The following POSTN variants were observed in gnomAD, a reference collection of about 807,000 sequenced individuals.
POSTN encodes periostin, also known as osteoblast specific factor 2 (fasciclin I-like).
POSTN carries 71 observed loss-of-function variants against 104.5 expected under a neutral mutation model. The ratio of observed to expected loss-of-function variants is 0.68; its 90% CI spans 0.56 to 0.83. The LOEUF (loss-of-function observed/expected upper bound fraction) is 0.83. Ranked by LOEUF, POSTN falls within the 40% of genes least tolerant of loss-of-function variation. The probability of loss-of-function intolerance (pLI) is 0.00; values close to 1 mark genes in which losing one functional copy is unlikely to be tolerated. For synonymous variants in POSTN, 355 were observed against 340.7 expected (o/e 1.04, Z -0.46); for missense variants, 949 against 1,006.8 (o/e 0.94, Z 0.78).
chr13:37,593,550 T>C (rs1951003760), intron 2 of POSTN, among the ~76,000 whole-genome samples: 1 of 151,376 alleles, frequency 6.6e-6, no homozygotes, highest in Non-Finnish European at 1.5e-5. Flanking sequence ...GTCAAACAGA[T>C]TATGACAATT....
chr13:37,579,873 C>T lies in POSTN; in HGVS notation c.1648G>A (p.Glu550Lys), dbSNP rs1470067255. ...AFKGMTSEEK[E>K]ILIRDKNALQ... ...CACTTCCACTTACGTATCAGAATTT[C>T]TTTTTCTTCACTAGTCATTCCCTTA... Residue 550 changes from glutamate (E) to lysine (K), a missense_variant, in exon 12 of 23, where the codon GAA becomes AAA. By Grantham distance (56) the Glu-to-Lys change is moderately conservative. Transcript: ENST00000379747. 6.2e-7 allele frequency: 1 copy of T among 1,608,650 alleles called. No individual in the cohort carries two copies. The highest frequency in any genetic ancestry group is 2.2e-5 in the East Asian group (1 of 44,782).
At chr13:37,576,712 T>C (rs762754851) in intron 16 of POSTN, among the ~76,000 whole-genome samples, 12 of 152,166 alleles carry the variant, frequency 7.9e-5, no homozygotes, top group Non-Finnish European at 1.8e-4. Context: ...ACATATTTTT[T>C]ACAAGATTGT....
At position 37,579,070 on chromosome 13, in the gene POSTN, T is replaced by C; in HGVS notation, c.1843A>G (p.Met615Val). 1.9e-6 allele frequency: 3 copies of C among 1,613,458 alleles called. No individual in the cohort carries two copies. Among genetic ancestry groups the C allele is most frequent in the Middle Eastern group, 1.7e-4 (1 of 6,056 alleles). Reference sequence around the variant, plus strand: ...ACATGAATTACACCATTTGTTGTCATGATGTCAGATTCTTTTGATTTCAAT... The same window carrying C: ...ACATGAATTACACCATTTGTTGTCACGATGTCAGATTCTTTTGATTTCAAT... ...NELKSKESDI[M>V]TTNGVIHVVD... Residue 615 changes from methionine to valine, a missense_variant, in exon 14 of 23, where the codon ATG becomes GTG. Met to Val is a conservative substitution (Grantham distance 21). Transcript: ENST00000379747.
At position 37,590,365 on chromosome 13, in the gene POSTN, G is replaced by T; in HGVS notation, c.441+7C>A. On this transcript the variant is annotated splice_region_variant and intron_variant, in intron 4 of 22. Transcript: ENST00000379747. The stretch of plus-strand genomic sequence containing the variant: ...AAATAAATATATTGATAAAAATAAT[G>T]AATTACAGAATCCAAGTTGTCCCAA... The T allele has an allele frequency of 6.6e-7, 1 of 1,523,288 alleles. No homozygotes were observed. Among genetic ancestry groups the T allele is most frequent in the Non-Finnish European group, 8.8e-7 (1 of 1,132,506 alleles). 94.4% of individuals were successfully genotyped at this position (1,523,288 alleles called of 1,614,324 possible). A position where few individuals can be genotyped will look rare whatever the true frequency, so the allele number is the denominator to read the frequency against.
At chr13:37,575,758 G>A (rs1950389835) in intron 16 of POSTN, among the ~76,000 whole-genome samples, 2 of 151,934 alleles carry the variant, frequency 1.3e-5, no homozygotes, top group Non-Finnish European at 2.9e-5. Flanking sequence ...AATTAATGTG[G>A]GTTCTTAGCC....
At chr13:37,576,862 C>G (rs1459338875) in intron 16 of POSTN, among the ~76,000 whole-genome samples, 1 of 151,752 alleles carries the variant, frequency 6.6e-6, no homozygotes, top group African/African-American at 2.4e-5. Context: ...CTTACATTGG[C>G]TTTACTCCTT....
chr13:37,596,167 G>T (rs146708591), intron 2 of POSTN, among the ~76,000 whole-genome samples: 4 of 152,126 alleles, frequency 2.6e-5, no homozygotes, highest in African/African-American at 4.8e-5. Flanking sequence ...TATTCCACCC[G>T]AACTTAGGGT....
chr13:37,591,836 A>G (rs1950943719), intron 3 of POSTN, among the ~76,000 whole-genome samples: 1 of 152,214 alleles, frequency 6.6e-6, no homozygotes, highest in South Asian at 2.1e-4. Flanking sequence ...AGGATTTTGT[A>G]AAGAGTTTTG....
rs760230105 is a variant in POSTN, at chr13:37,584,877, A to G, written c.947T>C (p.Met316Thr). 18 of 1,613,752 alleles carry G rather than the reference A, an allele frequency of 1.1e-5. No homozygotes were observed. In the Admixed American group the frequency reaches 1.7e-4, roughly 15 times the overall value. ...CAGCGTCTCAAAGACTGCTCCTCCC[A>G]TAATAGACTCAGAACACTGGAGAGT... is the stretch of plus-strand genomic sequence containing the variant. ...LNTLQCSESI[M>T]GGAVFETLEG... Residue 316 changes from methionine to threonine, a missense_variant, in exon 8 of 23, where the codon ATG (methionine) becomes ACG (threonine). Met to Thr is a moderately conservative substitution (Grantham distance 81, BLOSUM62 -1). Coordinates refer to ENST00000379747, the MANE Select transcript of POSTN (RefSeq NM_006475.3).
intron 8 of POSTN, 117 bp from the exon 9 acceptor site, chr13:37,584,220 C>T: frequency 8.5e-6 from 11 of 1,299,914 alleles, no homozygotes; most frequent in Non-Finnish European, 1.2e-5. Context: ...ACTGCAATGT[C>T]AGTGTGATAA....
chr13:37,592,786 T>A (rs903914160), intron 2 of POSTN, among the ~76,000 whole-genome samples: 5 of 152,302 alleles, frequency 3.3e-5, no homozygotes, highest in Admixed American at 1.3e-4. Flanking sequence ...AACATGAATA[T>A]AGTAGCTATA....
chr13:37,580,009 A>C lies in POSTN; in HGVS notation c.1530-18T>G. The stretch of plus-strand genomic sequence containing the variant: ...GGAAGGTGCTAAGTGGGAAGAATGT[A>C]TATGTATTTTGTCAGATTTAGATTT... On this transcript the variant is annotated intron_variant, in intron 11 of 22. Transcript: ENST00000379747. 1 of 1,608,446 alleles carries C rather than the reference A, an allele frequency of 6.2e-7. No individual in the cohort carries two copies. Among genetic ancestry groups the C allele is most frequent in the Non-Finnish European group, 8.5e-7 (1 of 1,176,452 alleles).
intron 16 of POSTN, among the ~76,000 whole-genome samples, chr13:37,576,844 T>A (rs1162697901): frequency 6.6e-6 from 1 of 152,090 alleles, no homozygotes; most frequent in African/African-American, 2.4e-5. Context: ...AGACATTTTG[T>A]TTTGCTCCTT....
chr13:37,581,636 TC>T (rs1462861020), intron 10 of POSTN, among the ~76,000 whole-genome samples: 1 of 151,748 alleles, frequency 6.6e-6, no homozygotes, highest in South Asian at 2.1e-4. Context: ...GGTGGGAGGG[TC>T]CCCTGGAGCC....
chr13:37,585,739 T>C (rs1950724412), intron 7 of POSTN, among the ~76,000 whole-genome samples: 1 of 152,198 alleles, frequency 6.6e-6, no homozygotes, highest in South Asian at 2.1e-4. Flanking sequence ...CAAATTCTTA[T>C]GTGTATCAGT....
At chr13:37,576,481 A>T (rs533635685) in intron 16 of POSTN, among the ~76,000 whole-genome samples, 2 of 152,150 alleles carry the variant, frequency 1.3e-5, no homozygotes, top group Non-Finnish European at 2.9e-5. Context: ...GTAATTTAGT[A>T]GGAGAAAATA....
At chr13:37,583,403 A>G (rs1193924705) in intron 9 of POSTN, among the ~76,000 whole-genome samples, 1 of 151,336 alleles carries the variant, frequency 6.6e-6, no homozygotes, top group Non-Finnish European at 1.5e-5. Flanking sequence ...TGGAAATATT[A>G]GATTCACAGA....
chr13:37,582,238 G>T, intron 10 of POSTN, 128 bp downstream of exon 10: 2 of 1,093,954 alleles, frequency 1.8e-6, no homozygotes, highest in Non-Finnish European at 1.3e-6. Context: ...AAGCTACCCA[G>T]TTCCCTGATG....
intron 21 of POSTN, among the ~76,000 whole-genome samples, chr13:37,567,153 G>C (rs537353894): frequency 7.2e-6 from 1 of 138,936 alleles, no homozygotes; most frequent in African/African-American, 2.7e-5. Flanking sequence ...GGAGAATGGC[G>C]TGAACCCGGG....
Sources: allele counts gnomAD v4.1 joint callset (sites outside exome capture counted in the v4.1 genomes callset), GRCh38; gene constraint gnomAD v4.1.1; transcripts MANE v1.5; gene names NCBI Gene and HGNC (gene_info 2026-07-23, HGNC 2026-07-21).